CIMIP6: variants seen among roughly 807,000 people sequenced by gnomAD.
The protein encoded by CIMIP6 is uncharacterized protein C2orf73.
the CIMIP6 span, among the ~76,000 whole-genome samples, chr2:54,380,001 G>A: frequency 6.6e-6 from 1 of 151,384 alleles, no homozygotes; most frequent in South Asian, 2.1e-4. Flanking sequence ...AAATTAGCTT[G>A]GTGTGGTGTT....
the CIMIP6 span, among the ~76,000 whole-genome samples, chr2:54,363,252 G>T: frequency 6.6e-6 from 1 of 152,216 alleles, no homozygotes; most frequent in East Asian, 1.9e-4. Context: ...GTTGACTATA[G>T]CCTGACTTTG....
chr2:54,376,097 A>G, the CIMIP6 span, among the ~76,000 whole-genome samples: 1 of 152,204 alleles, frequency 6.6e-6, no homozygotes, highest in East Asian at 1.9e-4. Context: ...ATGCATTAGC[A>G]TGAACACAGC....
chr2:54,360,399 C>T, the CIMIP6 span: 32 of 1,606,578 alleles, frequency 2.0e-5, no homozygotes, highest in Non-Finnish European at 2.2e-5. Flanking sequence ...CTGTTAGAGC[C>T]TAAAACTCAC....
the CIMIP6 span, among the ~76,000 whole-genome samples, chr2:54,363,407 T>C: frequency 2.0e-5 from 3 of 152,164 alleles, no homozygotes; most frequent in Non-Finnish European, 4.4e-5. Flanking sequence ...TTACCCTGGC[T>C]TAACATAGCA....
chr2:54,362,774 T>C, the CIMIP6 span, among the ~76,000 whole-genome samples: 1 of 152,166 alleles, frequency 6.6e-6, no homozygotes, highest in Non-Finnish European at 1.5e-5. Context: ...CTCAAACTCC[T>C]GAGCTCAATT....
chr2:54,358,919 T>G, the CIMIP6 span: 1 of 988,288 alleles, frequency 1.0e-6, no homozygotes, highest in Non-Finnish European at 1.5e-6. Context: ...CATAAACAAA[T>G]CTAATTTTTT....
chr2:54,359,045 A>G, the CIMIP6 span: 1 of 1,543,212 alleles, frequency 6.5e-7, no homozygotes, highest in Non-Finnish European at 8.8e-7. Flanking sequence ...TGATGCCAGA[A>G]AAACTCCGAA....
chr2:54,381,573 G>A, the CIMIP6 span, among the ~76,000 whole-genome samples: 2 of 152,176 alleles, frequency 1.3e-5, no homozygotes, highest in African/African-American at 4.8e-5. Context: ...ACAAAGAAAC[G>A]ATTAGAACCT....
the CIMIP6 span, among the ~76,000 whole-genome samples, chr2:54,379,776 G>A: frequency 6.6e-6 from 1 of 151,414 alleles, no homozygotes; most frequent in African/African-American, 2.4e-5. Context: ...AGGAGTTTGA[G>A]ACCAGCCTGA....
the CIMIP6 span, among the ~76,000 whole-genome samples, chr2:54,345,349 A>T: frequency 1.3e-5 from 2 of 152,310 alleles, no homozygotes; most frequent in East Asian, 3.9e-4. Context: ...TAGGAAGATA[A>T]GGGTGAGTTT....
the CIMIP6 span, among the ~76,000 whole-genome samples, chr2:54,378,850 T>G: frequency 2.0e-5 from 3 of 152,310 alleles, no homozygotes; most frequent in Non-Finnish European, 4.4e-5. Flanking sequence ...GTAGACCTTG[T>G]TATCTCTACT....
At chr2:54,358,903 T>C in the CIMIP6 span, 2 of 781,036 alleles carry the variant, frequency 2.6e-6, no homozygotes, top group Non-Finnish European at 4.2e-6. Context: ...ATACTGATTA[T>C]ATGTCCATAA....
chr2:54,374,491 T>C, the CIMIP6 span, among the ~76,000 whole-genome samples: 1 of 152,208 alleles, frequency 6.6e-6, no homozygotes, highest in African/African-American at 2.4e-5. Context: ...GATTTTAAAA[T>C]TTTAAGTAAA....
the CIMIP6 span, among the ~76,000 whole-genome samples, chr2:54,372,577 A>T: frequency 1.3e-5 from 2 of 152,170 alleles, no homozygotes; most frequent in African/African-American, 4.8e-5. Context: ...CCATGTAAGA[A>T]GTTTGACTAC....
the CIMIP6 span, among the ~76,000 whole-genome samples, chr2:54,349,287 T>G: frequency 6.6e-6 from 1 of 152,184 alleles, no homozygotes; most frequent in East Asian, 1.9e-4. Flanking sequence ...ATATATAAGA[T>G]CAGAATACTG....
At chr2:54,338,108 G>T in the CIMIP6 span, among the ~76,000 whole-genome samples, 35 of 152,116 alleles carry the variant, frequency 2.3e-4, no homozygotes, top group African/African-American at 7.7e-4. Context: ...TTGCACTCCA[G>T]CCTGAGTGAC....
chr2:54,359,010 A>G, the CIMIP6 span: 2 of 1,556,832 alleles, frequency 1.3e-6, no homozygotes, highest in African/African-American at 1.4e-5. Context: ...AATTTTATAG[A>G]ATACATCTCT....
the CIMIP6 span, among the ~76,000 whole-genome samples, chr2:54,337,220 G>A: frequency 3.3e-5 from 5 of 152,178 alleles, no homozygotes; most frequent in South Asian, 4.1e-4. Context: ...AGCTCTCTTC[G>A]TACTGATGAC....
chr2:54,381,357 T>G, the CIMIP6 span, among the ~76,000 whole-genome samples: 2 of 152,226 alleles, frequency 1.3e-5, no homozygotes, highest in African/African-American at 4.8e-5. Flanking sequence ...TAGGCCTGTT[T>G]CTTTACTTAC....
Sources: gnomAD v4.1 joint callset for allele counts (sites outside exome capture counted in the v4.1 genomes callset) on GRCh38, gnomAD v4.1.1 for gene constraint, MANE v1.5 for transcripts, NCBI Gene and HGNC (gene_info 2026-07-23, HGNC 2026-07-21) for gene names.